INTS4: variants seen among roughly 807,000 people sequenced by gnomAD.
INTS4 encodes MSTP093.
A neutral mutation model predicts 119.5 loss-of-function variants in INTS4; 70 were observed. The ratio of observed to expected loss-of-function variants is 0.59; its 90% CI spans 0.48 to 0.71. The LOEUF (loss-of-function observed/expected upper bound fraction) is 0.71. INTS4 is among the 30% of genes least tolerant of loss of function. The pLI, the probability that INTS4 is intolerant of heterozygous loss-of-function variation, is 0.00. For missense variants in INTS4, 867 were observed against 1,173.2 expected, an observed-to-expected ratio of 0.74 and a Z score of 3.81; for synonymous variants, 316 against 419.6, an observed-to-expected ratio of 0.75 and a Z score of 3.02.
chr11:77,963,180 T>C lies in INTS4; in HGVS notation c.472-2042A>G, dbSNP rs546946291. On this transcript the variant is annotated intron_variant, in intron 4 of 22. Transcript: ENST00000534064. ...GCTTCTGTCAACCAGGCAACAATAATGCACAATCAATGTATTACTGCACAC... is the reference window on the plus strand; with the variant it reads ...GCTTCTGTCAACCAGGCAACAATAACGCACAATCAATGTATTACTGCACAC... 3.9e-5 allele frequency among the ~76,000 whole-genome samples: 6 copies of C among 152,120 alleles called. No individual in the cohort carries two copies. The South Asian group carries it at 8.3e-4, about 21-fold the overall frequency.
intron 22 of INTS4, among the ~76,000 whole-genome samples, chr11:77,879,520 C>G (rs902295572): frequency 6.6e-6 from 1 of 152,178 alleles, no homozygotes; most frequent in Non-Finnish European, 1.5e-5. Context: ...AGTTCCATCT[C>G]AAGCCTCAGG....
At chr11:77,919,965 T>C (rs964365620) in intron 14 of INTS4, among the ~76,000 whole-genome samples, 2 of 151,954 alleles carry the variant, frequency 1.3e-5, no homozygotes, top group African/African-American at 4.8e-5. Flanking sequence ...CCCACCACCA[T>C]GCCCAGTTAA....
Position 77,907,715 on chromosome 11 carries a change from ACC to A in INTS4, c.2016_2016+1del, listed in dbSNP as rs756139774. The A allele has an allele frequency of 6.2e-7, 1 of 1,610,682 alleles. No homozygotes were observed. Among genetic ancestry groups the A allele is most frequent in the Non-Finnish European group, 8.5e-7 (1 of 1,177,018 alleles). ...TCATAAATGGAATGGATGCAAACCA[ACC>A]TTGATGAGAAGTAGTTGACAGCGAA... On this transcript the variant is annotated splice_donor_variant and coding_sequence_variant, in exon 16 of 23. Transcript: ENST00000534064. LOFTEE classifies it high-confidence loss of function.
chr11:77,979,105 A>G lies in INTS4; in HGVS notation c.365-3T>C. The G allele has an allele frequency of 6.4e-7, 1 of 1,573,070 alleles. No homozygotes were observed. Among genetic ancestry groups the G allele is most frequent in the Non-Finnish European group, 8.7e-7 (1 of 1,143,212 alleles). ...TTGAGCTAGGACTTGATGAGACTCT[A>G]GAGAGGGAGATAGAAAGTTGGCTTG... On this transcript the variant is annotated splice_polypyrimidine_tract_variant and splice_region_variant and intron_variant, in intron 3 of 22. Transcript: ENST00000534064.
chr11:77,988,853 TTTC>T (rs1856553688), intron 2 of INTS4, among the ~76,000 whole-genome samples: 1 of 152,206 alleles, frequency 6.6e-6, no homozygotes, highest in Admixed American at 6.5e-5. Context: ...ACTGTCTCAG[TTTC>T]TTCATCAAAT....
chr11:77,908,251 T>G (rs550421148), intron 15 of INTS4, among the ~76,000 whole-genome samples: 1 of 152,268 alleles, frequency 6.6e-6, no homozygotes, highest in South Asian at 2.1e-4. Context: ...TATTATACTT[T>G]AAGTTCTGGG....
At chr11:77,912,423 A>G (rs1468558344) in intron 15 of INTS4, among the ~76,000 whole-genome samples, 2 of 152,070 alleles carry the variant, frequency 1.3e-5, no homozygotes, top group Non-Finnish European at 2.9e-5. Context: ...TATCAGGCAG[A>G]GCAAAACAGT....
intron 8 of INTS4, among the ~76,000 whole-genome samples, chr11:77,952,312 C>A (rs1431126978): frequency 1.3e-5 from 2 of 152,118 alleles, no homozygotes; most frequent in African/African-American, 4.8e-5. Flanking sequence ...AGTTTGAAGT[C>A]CTCATCTGTC....
At chr11:77,964,390 AC>A (rs1013717807) in intron 4 of INTS4, among the ~76,000 whole-genome samples, 15 of 151,102 alleles carry the variant, frequency 9.9e-5, no homozygotes, top group African/African-American at 3.7e-4. Context: ...ACATGGTGAA[AC>A]CCCATCTCTA....
In INTS4 at chr11:77,938,811, T is replaced by C; in HGVS notation, c.1005A>G (p.Ala335=). The C allele has an allele frequency of 1.2e-6, 2 of 1,611,806 alleles. No homozygotes were observed. The highest frequency in any genetic ancestry group is 1.7e-6 in the Non-Finnish European group (2 of 1,179,752). ...LMSDLRRKRT[A]HERAKELYSS... The stretch of plus-strand genomic sequence containing the variant: ...TGTAAAGTTCCTTGGCACGCTCATG[T>C]GCAGTACGTTTCCTCTGCAGAGGAC... Residue 335 remains alanine, a synonymous_variant, in exon 10 of 23, where the codon GCA becomes GCG. Coordinates refer to ENST00000534064, the MANE Select transcript of INTS4 (RefSeq NM_033547.4).
intron 18 of INTS4, chr11:77,900,782 G>A (rs1952755843): frequency 3.4e-6 from 2 of 591,858 alleles, no homozygotes; most frequent in Admixed American, 3.0e-5. Context: ...AATGAAATGT[G>A]GCAATTCCAG....
chr11:77,928,237 G>T, intron 11 of INTS4, 105 bp downstream of exon 11: 1 of 1,177,680 alleles, frequency 8.5e-7, no homozygotes, highest in Non-Finnish European at 1.2e-6. Flanking sequence ...AAACAGAACT[G>T]TGCTCCCTGA....
At chr11:77,918,170 G>A (rs1434932053) in intron 15 of INTS4, 12 of 696,324 alleles carry the variant, frequency 1.7e-5, no homozygotes, top group South Asian at 3.0e-5. Context: ...AGTGGCTCAC[G>A]CCTGTAATTC....
intron 18 of INTS4, among the ~76,000 whole-genome samples, chr11:77,900,247 A>C (rs560504871): frequency 1.2e-4 from 18 of 152,092 alleles, no homozygotes; most frequent in East Asian, 9.7e-4. Context: ...CTACTGGTGC[A>C]TGCCACCATG....
intron 11 of INTS4, among the ~76,000 whole-genome samples, chr11:77,926,977 T>C (rs1953522104): frequency 1.3e-5 from 2 of 152,228 alleles, no homozygotes; most frequent in Non-Finnish European, 2.9e-5. Context: ...TGGTGGCATT[T>C]AGCCCACCCA....
At position 77,945,685 on chromosome 11, in the gene INTS4, C is replaced by T. The variant is rs577453918; in HGVS notation, c.919-4434G>A. Among the ~76,000 whole-genome samples, 75 of 152,306 alleles carry T rather than the reference C, an allele frequency of 4.9e-4. 1 individual carries two copies. In the South Asian group the frequency reaches 6.2e-3, roughly 13 times the overall value. ...AACCATCTGGGCTGCCAAGTATGCA[C>T]ACGCCAGTACTCAGCCAAAAAGCCA... On this transcript the variant is annotated intron_variant, in intron 8 of 22. Coordinates refer to ENST00000534064, the MANE Select transcript of INTS4 (RefSeq NM_033547.4).
chr11:77,922,315 C>T (rs769393271), intron 13 of INTS4, 41 bp downstream of exon 13: 3 of 1,537,334 alleles, frequency 2.0e-6, no homozygotes, highest in Admixed American at 4.5e-5. Flanking sequence ...GCCAAAGCTG[C>T]CTGCCAACAC....
At chr11:77,937,674 G>A (rs911373987) in intron 10 of INTS4, among the ~76,000 whole-genome samples, 1 of 152,076 alleles carries the variant, frequency 6.6e-6, no homozygotes, top group Non-Finnish European at 1.5e-5. Flanking sequence ...GGTCCAGGAA[G>A]TCAAAGCTTC....
At chr11:77,940,863 G>T (rs1045449969) in intron 9 of INTS4, among the ~76,000 whole-genome samples, 5 of 152,098 alleles carry the variant, frequency 3.3e-5, no homozygotes, top group African/African-American at 1.2e-4. Flanking sequence ...TCAAACTCCT[G>T]GCCACAAGTG....
Sources: allele counts gnomAD v4.1 joint callset (sites outside exome capture counted in the v4.1 genomes callset), GRCh38; gene constraint gnomAD v4.1.1; transcripts MANE v1.5; gene names NCBI Gene and HGNC (gene_info 2026-07-23, HGNC 2026-07-21).